AGAP3: variants seen among roughly 807,000 people sequenced by gnomAD.
The protein encoded by AGAP3 is arf-GAP with GTPase, ANK repeat and PH domain-containing protein 3.
In AGAP3, 24 loss-of-function variants were observed where a neutral mutation model predicts 96.9. That is an observed-to-expected ratio of 0.25 (90% confidence interval 0.18 to 0.35). The LOEUF (loss-of-function observed/expected upper bound fraction) is 0.35. Among genes scored for constraint, AGAP3 ranks in the 10% least tolerant of loss-of-function variants. The probability of loss-of-function intolerance (pLI) is 1.00; values close to 1 mark genes in which losing one functional copy is unlikely to be tolerated. For missense variants in AGAP3, 876 were observed against 1,254.2 expected (o/e 0.70, Z 4.55); for synonymous variants, 563 against 536.1 (o/e 1.05, Z -0.69).
intron 9 of AGAP3, among the ~76,000 whole-genome samples, chr7:151,125,140 C>A (rs1041226027): frequency 1.2e-4 from 19 of 152,208 alleles, no homozygotes; most frequent in African/African-American, 3.4e-4. Flanking sequence ...TGCTAGGTGA[C>A]GCCCTCTGCT....
chr7:151,115,137 C>A (rs1385346570), intron 1 of AGAP3: 2 of 1,041,746 alleles, frequency 1.9e-6, no homozygotes, highest in South Asian at 3.2e-5. Flanking sequence ...TCCGCGGCCC[C>A]GGCCGGCCAG....
chr7:151,143,465 C>T lies in AGAP3; in HGVS notation c.2398C>T (p.Leu800=). Residue 800 remains leucine (L), a synonymous_variant, in exon 17 of 18, where the codon CTG becomes TTG. Transcript: ENST00000397238. The surrounding 1 kb of genome is among the most constrained non-coding windows in gnomAD (Gnocchi z 5.9). ...LRAVVEDDLR[L]LVMLLAHGSK... ...GGCCGTGGTGGAAGATGACCTGCGG[C>T]TGTTGGTGATGCTCCTGGCACATGG... 1 of 1,614,238 alleles carries T rather than the reference C, an allele frequency of 6.2e-7. No homozygotes were observed. The highest frequency in any genetic ancestry group is 8.5e-7 in the Non-Finnish European group (1 of 1,180,042).
intron 1 of AGAP3, among the ~76,000 whole-genome samples, chr7:151,105,592 C>CAA (rs1224036230): frequency 4.3e-5 from 3 of 70,376 alleles, no homozygotes; most frequent in Non-Finnish European, 6.1e-5. Flanking sequence ...CCCGTCTCTA[C>CAA]AAAAAAAAAA....
At position 151,116,820 on chromosome 7, in the gene AGAP3, C is replaced by G; in HGVS notation, c.359C>G (p.Thr120Arg). Reference protein sequence around the residue: ...EDSFVNSQEWTLSRSVPELKV... With the variant: ...EDSFVNSQEWRLSRSVPELKV... ...TCGTTTGTGAACAGCCAGGAGTGGA[C>G]GCTGAGCCGCTCCGTACCGGAGCTT... The change falls in exon 2 of 18, where the codon ACG (threonine) becomes AGG (arginine). Residue 120 changes from threonine to arginine, a missense_variant. This residue lies in a region of AGAP3 where 131 missense variants were observed against 304.5 expected (regional missense o/e 0.43). Coordinates refer to ENST00000397238, the MANE Select transcript of AGAP3 (RefSeq NM_031946.7). The G allele has an allele frequency of 6.2e-7, 1 of 1,614,106 alleles. No homozygotes were observed. Among genetic ancestry groups the G allele is most frequent in the South Asian group, 1.1e-5 (1 of 91,080 alleles).
chr7:151,134,478 C>T lies in AGAP3; in HGVS notation c.1405C>T (p.Arg469Ter), dbSNP rs766372757. 4 of 1,601,844 alleles carry T rather than the reference C, an allele frequency of 2.5e-6. No individual in the cohort carries two copies. Among genetic ancestry groups the T allele is most frequent in the South Asian group, 1.1e-5 (1 of 90,070 alleles). Residue 469 changes from arginine (R) to a stop codon, truncating the protein, a stop_gained, in exon 11 of 18, where the codon CGA becomes TGA. Transcript: ENST00000397238. LOFTEE classifies it high-confidence loss of function. ...GAAAGTGCCAGGGAAGCGCCTGCCC[C>T]GAGCCACACCTGCCACAGCCCCGGG... ...TVKVPGKRLP[R>*]ATPATAPGTS...
chr7:151,093,153 A>G (rs1798465579), intron 1 of AGAP3, among the ~76,000 whole-genome samples: 1 of 152,080 alleles, frequency 6.6e-6, no homozygotes, highest in Non-Finnish European at 1.5e-5. Context: ...GTGTATATAT[A>G]TTTTTGGAGA....
intron 7 of AGAP3, 28 bp from the exon 8 acceptor site, chr7:151,119,959 T>TGCCCTCAGCA (rs781429934): frequency 1.9e-6 from 3 of 1,611,522 alleles, no homozygotes; most frequent in Non-Finnish European, 2.5e-6. Context: ...GACCCGGAGC[T>TGCCCTCAGCA]GCCCTCAGCA....
intron 7 of AGAP3, 61 bp from the exon 8 acceptor site, chr7:151,119,926 C>T (rs1799789619): frequency 7.7e-6 from 12 of 1,561,112 alleles, no homozygotes; most frequent in South Asian, 4.6e-5. Flanking sequence ...TCCCGGCACC[C>T]GCCTGGTGCC....
chr7:151,115,200 G>T (rs1316589264), intron 1 of AGAP3: 45 of 1,008,304 alleles, frequency 4.5e-5, no homozygotes, highest in Non-Finnish European at 5.2e-5. Context: ...CGAGGCGCCG[G>T]GCGCGGGTCT....
intron 5 of AGAP3, 150 bp downstream of exon 5, chr7:151,117,927 G>A (rs549963906): frequency 2.4e-5 from 28 of 1,178,842 alleles, no homozygotes; most frequent in Admixed American, 1.8e-4. Context: ...CGTGCTGCTC[G>A]TGTCTGAGGG....
Position 151,142,150 on chromosome 7 carries a change from T to C in AGAP3, c.1960-13T>C. On this transcript the variant is annotated splice_polypyrimidine_tract_variant and intron_variant, in intron 14 of 17. Coordinates refer to ENST00000397238, the MANE Select transcript of AGAP3 (RefSeq NM_031946.7). This position sits in a 1 kb window ranked among gnomAD's most constrained non-coding sequence, Gnocchi z 7.5. ...CAACCGCCCCTTGTCTTGTCTCTCC[T>C]GCTGTGCGACAGACTCGACTGGGGA... 4 of 1,613,558 alleles carry C rather than the reference T, an allele frequency of 2.5e-6. No homozygotes were observed. The highest frequency in any genetic ancestry group is 3.4e-6 in the Non-Finnish European group (4 of 1,179,766).
chr7:151,127,358 C>T (rs1800222045), intron 9 of AGAP3, among the ~76,000 whole-genome samples: 1 of 152,160 alleles, frequency 6.6e-6, no homozygotes, highest in Non-Finnish European at 1.5e-5. Flanking sequence ...CTGGGCGCCC[C>T]CTCCTCTAAG....
At chr7:151,109,765 A>G (rs1799206145) in intron 1 of AGAP3, among the ~76,000 whole-genome samples, 2 of 151,884 alleles carry the variant, frequency 1.3e-5, no homozygotes, top group African/African-American at 4.8e-5. Context: ...GCTGAGGGGG[A>G]GCTGCTAAGG....
At chr7:151,126,111 A>ACGAG (rs1206186705) in intron 9 of AGAP3, among the ~76,000 whole-genome samples, 3 of 144,624 alleles carry the variant, frequency 2.1e-5, no homozygotes, top group Admixed American at 6.9e-5. Context: ...CCCCCGGCTA[A>ACGAG]CGAGCGTCAT....
chr7:151,122,615 C>G (rs974946061), intron 8 of AGAP3: 1 of 1,281,380 alleles, frequency 7.8e-7, no homozygotes, highest in Non-Finnish European at 1.1e-6. Context: ...CTCTTCATCC[C>G]GCTGCCGCCG....
rs140463222 is a variant in AGAP3 at position 151,120,722 on chromosome 7, C to T, written c.1128+577C>T. The T allele has an allele frequency of 9.9e-6, 12 of 1,215,932 alleles. No homozygotes were observed. The East Asian group carries it at 2.9e-4, about 29-fold the overall frequency. 75.3% of individuals were successfully genotyped at this position (1,215,932 alleles called of 1,614,324 possible). On this transcript the variant is annotated intron_variant, in intron 8 of 17. Transcript: ENST00000397238. ...AGCCATCTTTTCCTGGGCTTCACCA[C>T]GCTGCCTCGTTCCTCCCTCTCAGGT... is the stretch of plus-strand genomic sequence containing the variant.
Position 151,096,708 on chromosome 7 carries a change from G to A in AGAP3, c.331+9636G>A, listed in dbSNP as rs895716717. Reference sequence around the variant, plus strand: ...AAGGTAGTCTCGATCTCCTGACCTCGTGATCCACCCGCCTCAGCCTCCTAA... The same window carrying A: ...AAGGTAGTCTCGATCTCCTGACCTCATGATCCACCCGCCTCAGCCTCCTAA... On this transcript the variant is annotated intron_variant, in intron 1 of 17. Transcript: ENST00000397238. The surrounding 1 kb of genome is among the most constrained non-coding windows in gnomAD (Gnocchi z 4.4). Among the ~76,000 whole-genome samples, 8 of 151,812 alleles carry A rather than the reference G, an allele frequency of 5.3e-5. No individual in the cohort carries two copies. The highest frequency in any genetic ancestry group is 1.3e-4 in the Admixed American group (2 of 15,240).
intron 10 of AGAP3, 57 bp from the exon 11 acceptor site, chr7:151,134,343 A>G (rs577158365): frequency 6.3e-7 from 1 of 1,596,516 alleles, no homozygotes; most frequent in Admixed American, 1.7e-5. Flanking sequence ...GCAAGGCTCA[A>G]CGCTGGAGTG....
intron 1 of AGAP3, chr7:151,112,200 G>C (rs973766024): frequency 1.3e-5 from 2 of 152,194 alleles, no homozygotes; most frequent in African/African-American, 4.8e-5. Flanking sequence ...CTCCGGGTCA[G>C]GAAAGTTTTC....
Sources: gnomAD v4.1 joint callset for allele counts (sites outside exome capture counted in the v4.1 genomes callset) on GRCh38, gnomAD v4.1.1 for gene constraint, gnomAD v4.1.1 regional missense constraint, Gnocchi (gnomAD v3.1) non-coding constraint, MANE v1.5 for transcripts, NCBI Gene and HGNC (gene_info 2026-07-23, HGNC 2026-07-21) for gene names.